Variants in POU2F1 observed in about 807,000 individuals in gnomAD.
POU2F1 encodes the protein POU class 2 homeobox 1.
POU2F1 carries 16 observed loss-of-function variants against 84.9 expected under a neutral mutation model. That is an observed-to-expected ratio of 0.19 (90% CI 0.13 to 0.29). POU2F1 has a LOEUF of 0.29. POU2F1 is among the 10% of genes least tolerant of loss of function. The pLI is 1.00. For synonymous variants in POU2F1, 368 were observed against 368.3 expected (o/e 1.00, Z 0.01); for missense variants, 738 against 942.6 (o/e 0.78, Z 2.84).
chr1:167,399,968 CTTTTTTTTTTTT>C (rs67562017), intron 12 of POU2F1, among the ~76,000 whole-genome samples: 8 of 61,376 alleles, frequency 1.3e-4, no homozygotes, highest in African/African-American at 4.3e-4. Flanking sequence ...CATTCCCAGT[CTTTTTTTTTTTT>C]TTTTTTTTTT....
At chr1:167,247,028 T>TTA (rs1553197565) in intron 1 of POU2F1, among the ~76,000 whole-genome samples, 6 of 45,024 alleles carry the variant, frequency 1.3e-4, no homozygotes, top group African/African-American at 2.4e-4. Flanking sequence ...GTAAATCAGG[T>TTA]TATATATATA....
rs141125384 is a variant in POU2F1 at position 167,374,267 on chromosome 1, C to A, written c.562C>A (p.Pro188Thr). The part of the protein sequence containing the change: ...ASAATPMTQI[P>T]LSQPIQIAQD... ...TGCTGCCACGCCCATGACGCAGATCCCCCTGTCTCAGCCCATACAGATCGC... is the reference window on the plus strand; with the variant it reads ...TGCTGCCACGCCCATGACGCAGATCACCCTGTCTCAGCCCATACAGATCGC... Residue 188 changes from proline to threonine, a missense_variant, in exon 6 of 16, where the codon CCC (proline) becomes ACC (threonine). Pro to Thr is a conservative substitution (Grantham distance 38). This residue lies in a region of POU2F1 where 163 missense variants were observed against 214.4 expected (regional missense o/e 0.76). Transcript: ENST00000367866. 3.7e-6 allele frequency: 6 copies of A among 1,612,746 alleles called. No homozygotes were observed. The highest frequency in any genetic ancestry group is 5.1e-6 in the Non-Finnish European group (6 of 1,179,550).
intron 7 of POU2F1, 33 bp from the exon 8 acceptor site, chr1:167,383,823 TA>T: frequency 6.5e-7 from 1 of 1,550,222 alleles, no homozygotes; most frequent in Non-Finnish European, 8.8e-7. Flanking sequence ...AAGAAATCTT[TA>T]ATGTTTCTGG....
intron 2 of POU2F1, among the ~76,000 whole-genome samples, chr1:167,337,692 C>CAA (rs1231706759): frequency 4.1e-5 from 4 of 98,124 alleles, no homozygotes; most frequent in African/African-American, 7.6e-5. Flanking sequence ...CCACCCCCTG[C>CAA]AAAAAAAAAA....
chr1:167,388,991 A>G (rs576492187), intron 8 of POU2F1, among the ~76,000 whole-genome samples: 2 of 152,354 alleles, frequency 1.3e-5, no homozygotes, highest in African/African-American at 4.8e-5. Flanking sequence ...AGCAGAGAGT[A>G]AAATTTTGTA....
rs1275934912 is a variant in POU2F1 at position 167,420,518 on chromosome 1, A to G, written c.*4708A>G. On this transcript the variant is annotated 3_prime_UTR_variant, in exon 16 of 16. Transcript: ENST00000367866. ...TATTATACATTGCAATTAGTGTAGA[A>G]TAAACGCTTGGCTTATAGAACTCTC... 6.6e-6 allele frequency: 1 copy of G among 152,226 alleles called. No individual in the cohort carries two copies. Among genetic ancestry groups the G allele is most frequent in the African/African-American group, 2.4e-5 (1 of 41,444 alleles). The allele number at this position is 152,226 out of a possible 1,614,324, so 9.4% of individuals were successfully genotyped here. A position where few individuals can be genotyped will look rare whatever the true frequency, so the allele number is the denominator to read the frequency against.
At chr1:167,277,304 A>G (rs952513628) in intron 1 of POU2F1, among the ~76,000 whole-genome samples, 3 of 151,860 alleles carry the variant, frequency 2.0e-5, no homozygotes, top group Admixed American at 6.6e-5. Context: ...TGGCGCAATC[A>G]TAGCTCACTG....
At chr1:167,238,843 A>T (rs1026008227) in intron 1 of POU2F1, among the ~76,000 whole-genome samples, 47 of 152,204 alleles carry the variant, frequency 3.1e-4, no homozygotes, top group Admixed American at 2.6e-4. Flanking sequence ...GGTGCACATC[A>T]TTGAAGGTAG....
At chr1:167,363,128 C>G (rs1467104239) in intron 2 of POU2F1, among the ~76,000 whole-genome samples, 8 of 152,134 alleles carry the variant, frequency 5.3e-5, no homozygotes, top group Non-Finnish European at 7.4e-5. Context: ...ACATCAATGT[C>G]TCTGTTACTT....
chr1:167,359,921 G>A (rs1309871590), intron 2 of POU2F1, among the ~76,000 whole-genome samples: 2 of 144,568 alleles, frequency 1.4e-5, no homozygotes, highest in Admixed American at 7.0e-5. Context: ...ATTTTGATTT[G>A]TATTTCTGAT....
chr1:167,291,645 A>G (rs1426936562), intron 1 of POU2F1, among the ~76,000 whole-genome samples: 1 of 152,202 alleles, frequency 6.6e-6, no homozygotes, highest in African/African-American at 2.4e-5. Context: ...GTCTATAATA[A>G]AGGAAAAACA....
intron 1 of POU2F1, among the ~76,000 whole-genome samples, chr1:167,229,478 C>T (rs1648896788): frequency 1.3e-5 from 2 of 152,130 alleles, no homozygotes; most frequent in African/African-American, 2.4e-5. Flanking sequence ...AATTTATGCT[C>T]ATGCCACTGT....
chr1:167,274,022 A>G (rs1305271629), intron 1 of POU2F1, among the ~76,000 whole-genome samples: 2 of 152,184 alleles, frequency 1.3e-5, no homozygotes, highest in Non-Finnish European at 2.9e-5. Flanking sequence ...CAAACTCTTG[A>G]TTTATTCTGA....
intron 1 of POU2F1, among the ~76,000 whole-genome samples, chr1:167,307,642 C>T (rs1411856811): frequency 6.6e-6 from 1 of 152,026 alleles, no homozygotes; most frequent in Admixed American, 6.6e-5. Context: ...GCTCTGTCAC[C>T]CCCAACTACT....
At chr1:167,282,334 T>C (rs1394001700) in intron 1 of POU2F1, among the ~76,000 whole-genome samples, 1 of 151,818 alleles carries the variant, frequency 6.6e-6, no homozygotes, top group Non-Finnish European at 1.5e-5. Flanking sequence ...TTAGTAGAGA[T>C]GGGGTTTCAC....
intron 2 of POU2F1, among the ~76,000 whole-genome samples, chr1:167,358,512 CAA>C (rs891678089): frequency 4.6e-5 from 7 of 151,868 alleles, no homozygotes; most frequent in African/African-American, 1.7e-4. Context: ...GTAAAATCAA[CAA>C]GGCTTTTTAT....
intron 3 of POU2F1, among the ~76,000 whole-genome samples, chr1:167,368,947 C>G (rs533711860): frequency 3.3e-5 from 5 of 152,226 alleles, no homozygotes; most frequent in Admixed American, 6.5e-5. Flanking sequence ...AGATTTGAAC[C>G]CTGGAATAAT....
At chr1:167,395,024 A>T (rs919914093) in intron 9 of POU2F1, among the ~76,000 whole-genome samples, 3 of 152,176 alleles carry the variant, frequency 2.0e-5, no homozygotes, top group Non-Finnish European at 4.4e-5. Flanking sequence ...GTTGTATAGT[A>T]CTTTGGACCA....
chr1:167,345,567 T>C (rs1333295008), intron 2 of POU2F1, among the ~76,000 whole-genome samples: 1 of 152,128 alleles, frequency 6.6e-6, no homozygotes, highest in Non-Finnish European at 1.5e-5. Context: ...AGAGCATTCA[T>C]TGTGTTTCTG....
Sources: allele counts gnomAD v4.1 joint callset (sites outside exome capture counted in the v4.1 genomes callset), GRCh38; gene constraint gnomAD v4.1.1; regional missense constraint gnomAD v4.1.1; transcripts MANE v1.5; gene names NCBI Gene and HGNC (gene_info 2026-07-23, HGNC 2026-07-21).